GRIK2: variants seen among roughly 807,000 people sequenced by gnomAD.
GRIK2 encodes glutamate ionotropic receptor kainate type subunit 2.
Under a neutral mutation model 100.3 loss-of-function variants are expected in GRIK2, and 32 were observed. The ratio of observed to expected loss-of-function variants is 0.32; its 90% CI spans 0.24 to 0.43. GRIK2 has a LOEUF of 0.43. Ranked by LOEUF, GRIK2 falls within the 20% of genes least tolerant of loss-of-function variation. The probability of loss-of-function intolerance (pLI) is 1.00; values close to 1 mark genes in which losing one functional copy is unlikely to be tolerated. For synonymous variants in GRIK2, 417 were observed against 389.4 expected (o/e 1.07, Z -0.83); for missense variants, 843 against 1,114.9 (o/e 0.76, Z 3.47).
intron 2 of GRIK2, among the ~76,000 whole-genome samples, chr6:101,617,996 C>T (rs1013775622): frequency 2.0e-5 from 3 of 151,304 alleles, no homozygotes; most frequent in South Asian, 2.1e-4. Flanking sequence ...CACATATACA[C>T]GTGTGTGTGT....
chr6:101,897,599 AT>A (rs955254075), intron 12 of GRIK2, among the ~76,000 whole-genome samples: 43 of 151,966 alleles, frequency 2.8e-4, no homozygotes, highest in African/African-American at 1.0e-3. Flanking sequence ...AAAAATTTCA[AT>A]TTTTTTAAAT....
At position 101,752,907 on chromosome 6, in the gene GRIK2, C is replaced by T. The variant is rs984919212; in HGVS notation, c.952-46741C>T. On this transcript the variant is annotated intron_variant, in intron 7 of 16. Coordinates refer to ENST00000369134, the MANE Select transcript of GRIK2 (RefSeq NM_021956.5). ...CTCCGAAAGAGAAAATATTGTTAGACGTATGATACAAACTGACAAAAGAAC... is the reference window on the plus strand; with the variant it reads ...CTCCGAAAGAGAAAATATTGTTAGATGTATGATACAAACTGACAAAAGAAC... 7.9e-5 allele frequency among the ~76,000 whole-genome samples: 12 copies of T among 152,142 alleles called. No homozygotes were observed. The East Asian group carries it at 2.3e-3, about 29-fold the overall frequency.
intron 7 of GRIK2, among the ~76,000 whole-genome samples, chr6:101,794,458 C>G (rs896912017): frequency 1.3e-5 from 2 of 151,834 alleles, no homozygotes; most frequent in African/African-American, 4.8e-5. Flanking sequence ...GTGTTTATAT[C>G]AAAGGTTATT....
At position 101,665,987 on chromosome 6, in the gene GRIK2, G is replaced by C. The variant is rs149564330; in HGVS notation, c.542-10636G>C. ...TATTAATCATCAAAATAGAGACGTAGCATTATTTAGGCACCCTGAAGGCCA... is the reference window on the plus strand; with the variant it reads ...TATTAATCATCAAAATAGAGACGTACCATTATTTAGGCACCCTGAAGGCCA... On this transcript the variant is annotated intron_variant, in intron 4 of 16. Transcript: ENST00000369134. Among the ~76,000 whole-genome samples, 203 of 152,200 alleles carry C rather than the reference G, an allele frequency of 1.3e-3. 1 individual carries two copies. The highest frequency in any genetic ancestry group is 4.8e-3 in the African/African-American group (199 of 41,552).
chr6:101,464,497 CTTTTTTTTTTT>C (rs71028069), intron 2 of GRIK2, among the ~76,000 whole-genome samples: 8 of 62,038 alleles, frequency 1.3e-4, no homozygotes, highest in African/African-American at 3.7e-4. Context: ...CTTTTTCTTT[CTTTTTTTTTTT>C]TTTTTTTTTT....
At chr6:101,827,487 CAA>C (rs113087251) in intron 10 of GRIK2, among the ~76,000 whole-genome samples, 2 of 145,000 alleles carry the variant, frequency 1.4e-5, no homozygotes, top group African/African-American at 2.5e-5. Flanking sequence ...CAAAACAAAA[CAA>C]AAAAAAACCA....
chr6:101,774,857 T>TAC (rs1042743779), intron 7 of GRIK2, among the ~76,000 whole-genome samples: 20 of 151,902 alleles, frequency 1.3e-4, no homozygotes, highest in African/African-American at 4.4e-4. Context: ...ATTTAAAAGA[T>TAC]ATATATATCA....
intron 11 of GRIK2, among the ~76,000 whole-genome samples, chr6:101,888,160 A>C (rs1027420822): frequency 4.6e-5 from 7 of 152,128 alleles, no homozygotes; most frequent in Non-Finnish European, 7.4e-5. Context: ...TGAATGAATG[A>C]ATGACTCTTC....
chr6:101,801,260 C>G (rs1780650420), intron 8 of GRIK2, among the ~76,000 whole-genome samples: 3 of 151,992 alleles, frequency 2.0e-5, no homozygotes, highest in African/African-American at 4.8e-5. Flanking sequence ...TTTGGTTAGT[C>G]ACTTGAAAGT....
At chr6:101,523,075 CAAAT>C (rs1278572622) in intron 2 of GRIK2, among the ~76,000 whole-genome samples, 3 of 151,956 alleles carry the variant, frequency 2.0e-5, no homozygotes, top group Non-Finnish European at 4.4e-5. Context: ...TGGTATGCAA[CAAAT>C]AAATTATTAA....
chr6:101,570,610 A>G (rs1468337577), intron 2 of GRIK2, among the ~76,000 whole-genome samples: 1 of 152,180 alleles, frequency 6.6e-6, no homozygotes, highest in Non-Finnish European at 1.5e-5. Flanking sequence ...AAGTTCTTCC[A>G]TGTACCTAAA....
intron 10 of GRIK2, among the ~76,000 whole-genome samples, chr6:101,826,830 C>T (rs1050267413): frequency 6.6e-6 from 1 of 152,016 alleles, no homozygotes; most frequent in Non-Finnish European, 1.5e-5. Flanking sequence ...ATGATAGTCA[C>T]TATGCCGAAT....
intron 10 of GRIK2, among the ~76,000 whole-genome samples, chr6:101,828,190 C>A (rs1003409091): frequency 6.6e-6 from 1 of 151,666 alleles, no homozygotes; most frequent in Non-Finnish European, 1.5e-5. Context: ...TTTGTGCAAA[C>A]AATGAAATTA....
chr6:101,399,316 C>T lies in GRIK2; in HGVS notation c.39C>T (p.Phe13=). The change falls in exon 2 of 17, where the codon TTC becomes TTT. Residue 13 remains phenylalanine (F), a synonymous_variant. Transcript: ENST00000369134. ...IIFPILSNPV[F]RRTVKLLLCL... is the part of the protein sequence containing the mutation. ...TCCCGATTCTAAGTAATCCAGTCTT[C>T]AGGCGCACCGTTAAACTCCTGCTCT... 1.9e-6 allele frequency: 3 copies of T among 1,593,118 alleles called. No homozygotes were observed. Among genetic ancestry groups the T allele is most frequent in the Non-Finnish European group, 2.6e-6 (3 of 1,160,836 alleles).
chr6:101,509,252 G>C (rs1354010993), intron 2 of GRIK2, among the ~76,000 whole-genome samples: 1 of 151,602 alleles, frequency 6.6e-6, no homozygotes, highest in Non-Finnish European at 1.5e-5. Context: ...TTACCAACTT[G>C]ACCACAGTGG....
At chr6:102,045,130 T>C (rs1770814015) in intron 15 of GRIK2, among the ~76,000 whole-genome samples, 1 of 152,068 alleles carries the variant, frequency 6.6e-6, no homozygotes, top group Admixed American at 6.6e-5. Context: ...AGATCCTAAG[T>C]ATATAATGGT....
intron 14 of GRIK2, among the ~76,000 whole-genome samples, chr6:102,028,806 A>G (rs1440641435): frequency 6.6e-6 from 1 of 151,128 alleles, no homozygotes; most frequent in Non-Finnish European, 1.5e-5. Flanking sequence ...TCATGATGCC[A>G]TGAATTTTAT....
intron 12 of GRIK2, among the ~76,000 whole-genome samples, chr6:101,908,830 T>G (rs1187461541): frequency 6.6e-6 from 1 of 151,150 alleles, no homozygotes; most frequent in East Asian, 1.9e-4. Context: ...AAATGAAATA[T>G]CAATCATATT....
intron 10 of GRIK2, among the ~76,000 whole-genome samples, chr6:101,845,148 T>C (rs1439410253): frequency 6.6e-6 from 1 of 152,016 alleles, no homozygotes; most frequent in Non-Finnish European, 1.5e-5. Flanking sequence ...GCCTCCCAAG[T>C]AGCTAGGACT....
Sources: gnomAD v4.1 joint callset for allele counts (sites outside exome capture counted in the v4.1 genomes callset) on GRCh38, gnomAD v4.1.1 for gene constraint, MANE v1.5 for transcripts, NCBI Gene and HGNC (gene_info 2026-07-23, HGNC 2026-07-21) for gene names.